DLGAP2: variants seen among roughly 807,000 people sequenced by gnomAD.
The protein encoded by DLGAP2 is DLG associated protein 2.
Under a neutral mutation model 100.3 loss-of-function variants are expected in DLGAP2, and 26 were observed. The observed-to-expected ratio is 0.26, with a 90% CI of 0.19 to 0.36. DLGAP2 has a LOEUF of 0.36. Ranked by LOEUF, DLGAP2 falls within the 10% of genes least tolerant of loss-of-function variation. DLGAP2 has a pLI of 1.00. For missense variants in DLGAP2, 1,858 were observed against 1,453.2 expected (o/e 1.28, Z -4.53); for synonymous variants, 886 against 630.1 (o/e 1.41, Z -6.08).
chr8:959,884 A>G (rs1026685609), intron 2 of DLGAP2, among the ~76,000 whole-genome samples: 1 of 152,228 alleles, frequency 6.6e-6, no homozygotes, highest in Non-Finnish European at 1.5e-5. Flanking sequence ...TAACTTATTG[A>G]TGAGGCAAAT....
chr8:1,667,010 C>G (rs548567263), intron 8 of DLGAP2, among the ~76,000 whole-genome samples: 1 of 152,318 alleles, frequency 6.6e-6, no homozygotes, highest in South Asian at 2.1e-4. Flanking sequence ...CCAGGAGACG[C>G]CCACGTGCGC....
intron 2 of DLGAP2, among the ~76,000 whole-genome samples, chr8:1,098,657 C>G (rs192318043): frequency 0.019 from 1,479 of 78,562 alleles, 4 homozygotes; most frequent in Middle Eastern, 0.043. Context: ...CGGACGCCGC[C>G]ACCCACGCCA....
chr8:1,037,114 T>G (rs1014603552), intron 2 of DLGAP2, among the ~76,000 whole-genome samples: 1 of 152,068 alleles, frequency 6.6e-6, no homozygotes, highest in African/African-American at 2.4e-5. Flanking sequence ...CTCCTGCCCA[T>G]GGTCACGTAG....
rs951756864 is a variant in DLGAP2, at chr8:786,249, C to T, written c.18+48424C>T. Reference sequence around the variant, plus strand: ...TCATGGGGCCCAGTGGTGTGTGGGGCGCCTCCGAAAGCCTGCAGAGAGGGT... The same window carrying T: ...TCATGGGGCCCAGTGGTGTGTGGGGTGCCTCCGAAAGCCTGCAGAGAGGGT... On this transcript the variant is annotated intron_variant, in intron 1 of 14. Coordinates refer to ENST00000637795, the MANE Select transcript of DLGAP2 (RefSeq NM_001346810.2). 2.6e-5 allele frequency among the ~76,000 whole-genome samples: 4 copies of T among 152,198 alleles called. No homozygotes were observed. The East Asian group carries it at 5.8e-4, about 22-fold the overall frequency.
chr8:1,457,581 A>T (rs547779394), intron 3 of DLGAP2, among the ~76,000 whole-genome samples: 1 of 152,334 alleles, frequency 6.6e-6, no homozygotes, highest in South Asian at 2.1e-4. Context: ...GTTCTTCGCA[A>T]ACCAGCTTCA....
intron 1 of DLGAP2, among the ~76,000 whole-genome samples, chr8:776,336 G>C (rs1008199954): frequency 1.3e-5 from 2 of 151,608 alleles, no homozygotes; most frequent in Non-Finnish European, 2.9e-5. Flanking sequence ...AGGGTTTTTT[G>C]TGTCTCTATT....
chr8:1,647,636 G>T (rs1242582199), intron 8 of DLGAP2, among the ~76,000 whole-genome samples: 1 of 149,054 alleles, frequency 6.7e-6, no homozygotes, highest in African/African-American at 2.5e-5. Context: ...ACAATATCAA[G>T]ATAGCTTATC....
chr8:1,283,161 A>T (rs952528125), intron 3 of DLGAP2, among the ~76,000 whole-genome samples: 8 of 148,878 alleles, frequency 5.4e-5, no homozygotes, highest in Admixed American at 4.1e-4. Flanking sequence ...AACCATCTGG[A>T]CGTGGTGTGA....
In DLGAP2 at chr8:1,039,529, G is replaced by A. The variant is rs140726317; in HGVS notation, c.73+131563G>A. On this transcript the variant is annotated intron_variant, in intron 2 of 14. Transcript: ENST00000637795. ...TCGGCTCGGTGTGCATGTTCAGCTC[G>A]GTGTGCGTGGTCAGCTTGGTGTGCG... is the stretch of plus-strand genomic sequence containing the variant. Among the ~76,000 whole-genome samples, 187 of 119,308 alleles carry A rather than the reference G, an allele frequency of 1.6e-3. 3 individuals are homozygous for A. The highest frequency in any genetic ancestry group is 6.5e-3 in the African/African-American group (176 of 26,910). 78.3% of individuals were successfully genotyped at this position (119,308 alleles called of 152,430 possible).
intron 12 of DLGAP2, among the ~76,000 whole-genome samples, chr8:1,683,406 A>C (rs925452346): frequency 4.0e-5 from 6 of 151,434 alleles, no homozygotes; most frequent in Non-Finnish European, 7.4e-5. Flanking sequence ...ACTGCCCTTC[A>C]TCCTGCCTGT....
At chr8:1,334,314 C>G (rs558082563) in intron 3 of DLGAP2, among the ~76,000 whole-genome samples, 1 of 152,322 alleles carries the variant, frequency 6.6e-6, no homozygotes, top group African/African-American at 2.4e-5. Context: ...TTAGAGCCAT[C>G]ACTGTGACCC....
chr8:831,776 T>G (rs1796789042), intron 1 of DLGAP2, among the ~76,000 whole-genome samples: 1 of 152,204 alleles, frequency 6.6e-6, no homozygotes. Context: ...TTCTAGATCC[T>G]TAGGAATGGC....
chr8:952,313 C>G (rs754010166), intron 2 of DLGAP2, among the ~76,000 whole-genome samples: 35 of 152,208 alleles, frequency 2.3e-4, no homozygotes, highest in Non-Finnish European at 3.8e-4. Context: ...CCCAGAGCTT[C>G]TGTTTATGTC....
At chr8:1,296,373 G>A (rs1473392889) in intron 3 of DLGAP2, among the ~76,000 whole-genome samples, 4 of 152,192 alleles carry the variant, frequency 2.6e-5, no homozygotes, top group South Asian at 2.1e-4. Context: ...TCCCTGGCAC[G>A]CTGGCTGCAT....
intron 3 of DLGAP2, among the ~76,000 whole-genome samples, chr8:1,286,468 A>G (rs1406288968): frequency 6.6e-6 from 1 of 152,222 alleles, no homozygotes; most frequent in Admixed American, 6.5e-5. Context: ...CATCTGTGGA[A>G]GAGCTTTCCC....
At chr8:1,418,488 T>G (rs1423462203) in intron 3 of DLGAP2, among the ~76,000 whole-genome samples, 11 of 152,196 alleles carry the variant, frequency 7.2e-5, no homozygotes, top group Admixed American at 7.2e-4. Context: ...TTCTCTCTTT[T>G]AACCCCAAAC....
At chr8:1,374,043 G>A (rs1374249750) in intron 3 of DLGAP2, among the ~76,000 whole-genome samples, 4 of 150,716 alleles carry the variant, frequency 2.7e-5, no homozygotes, top group African/African-American at 9.7e-5. Context: ...AGGGCTGTGT[G>A]GTGGAGGTTA....
At chr8:931,568 GC>G (rs1417095551) in intron 2 of DLGAP2, among the ~76,000 whole-genome samples, 1 of 152,178 alleles carries the variant, frequency 6.6e-6, no homozygotes, top group East Asian at 1.9e-4. Context: ...TGCAGTGAGA[GC>G]TGGGACATTT....
intron 2 of DLGAP2, among the ~76,000 whole-genome samples, chr8:1,085,075 T>C (rs1803930714): frequency 6.6e-6 from 1 of 152,222 alleles, no homozygotes; most frequent in Admixed American, 6.5e-5. Flanking sequence ...TGTGAGCTGA[T>C]ACGTGATTTG....
Sources: gnomAD v4.1 joint callset for allele counts (sites outside exome capture counted in the v4.1 genomes callset) on GRCh38, gnomAD v4.1.1 for gene constraint, MANE v1.5 for transcripts, NCBI Gene and HGNC (gene_info 2026-07-23, HGNC 2026-07-21) for gene names.